Variants in SELENOI observed in about 807,000 individuals in gnomAD.
SELENOI encodes selenoprotein I.
SELENOI carries 24 observed loss-of-function variants against 50.7 expected under a neutral mutation model. That is an observed-to-expected ratio of 0.47 (90% CI 0.34 to 0.67). The LOEUF is 0.67. Among genes scored for constraint, SELENOI ranks in the 30% least tolerant of loss-of-function variants. The probability of loss-of-function intolerance (pLI) is 0.01; values close to 1 mark genes in which losing one functional copy is unlikely to be tolerated. For missense variants in SELENOI, 352 were observed against 461.4 expected (o/e 0.76, Z 2.17); for synonymous variants, 155 against 170.2 (o/e 0.91, Z 0.70).
At chr2:26,346,539 G>C (rs1303394172) in intron 1 of SELENOI, 1 of 415,204 alleles carries the variant, frequency 2.4e-6, no homozygotes, top group Admixed American at 4.4e-5. Context: ...AGTGATCATG[G>C]AGCGAGGGAA....
At position 26,370,065 on chromosome 2, in the gene SELENOI, T is replaced by C. The variant is rs559509587; in HGVS notation, c.310+2845T>C. Among the ~76,000 whole-genome samples the C allele has an allele frequency of 2.6e-5, 4 of 151,028 alleles. No individual in the cohort carries two copies. The East Asian group carries it at 5.8e-4, about 22-fold the overall frequency. ...ATTAGGGAGTGGTGATGACTCTTAA[T>C]GAGCATGCTGCCTTCAAGCATCTGT... On this transcript the variant is annotated intron_variant, in intron 4 of 9. Coordinates refer to ENST00000260585, the MANE Select transcript of SELENOI (RefSeq NM_033505.4).
At chr2:26,346,362 C>T in intron 1 of SELENOI, 73 bp downstream of exon 1, 1 of 1,495,226 alleles carries the variant, frequency 6.7e-7, no homozygotes, top group Non-Finnish European at 8.9e-7. Flanking sequence ...CCGCGCGGCG[C>T]GGTCCGTGTC....
intron 4 of SELENOI, among the ~76,000 whole-genome samples, chr2:26,371,153 G>A (rs865789110): frequency 5.7e-4 from 86 of 150,662 alleles, no homozygotes; most frequent in African/African-American, 1.9e-3. Context: ...CTGGCGGGGG[G>A]CTGACCCCTC....
chr2:26,371,286 C>T, intron 4 of SELENOI, among the ~76,000 whole-genome samples: 1 of 151,962 alleles, frequency 6.6e-6, no homozygotes, highest in East Asian at 2.0e-4. Context: ...AGACGCTCCT[C>T]ACCTCCCAGA....
At position 26,390,513 on chromosome 2, in the gene SELENOI, G is replaced by T. The variant is rs1004208090; in HGVS notation, c.*1410G>T. ...GACCATTGTTAAATTTAATTATAGT[G>T]TATTTCTTTCTTGAATTTCAGTCTG... On this transcript the variant is annotated 3_prime_UTR_variant, in exon 10 of 10. Coordinates refer to ENST00000260585, the MANE Select transcript of SELENOI (RefSeq NM_033505.4). 4 of 152,500 alleles carry T rather than the reference G, an allele frequency of 2.6e-5. No homozygotes were observed. Among genetic ancestry groups the T allele is most frequent in the African/African-American group, 9.7e-5 (4 of 41,420 alleles). The allele number at this position is 152,500 out of a possible 1,614,324, so 9.4% of individuals were successfully genotyped here. A position where few individuals can be genotyped will look rare whatever the true frequency, so the allele number is the denominator to read the frequency against.
chr2:26,356,741 C>T (rs577222233), intron 1 of SELENOI, among the ~76,000 whole-genome samples: 1 of 152,212 alleles, frequency 6.6e-6, no homozygotes, highest in East Asian at 1.9e-4. Flanking sequence ...TCTTAAGGAC[C>T]ATTTTTTGTT....
chr2:26,384,531 C>CT (rs912790504), intron 7 of SELENOI, among the ~76,000 whole-genome samples: 5 of 152,162 alleles, frequency 3.3e-5, no homozygotes, highest in Non-Finnish European at 5.9e-5. Flanking sequence ...TGTGAGCTGT[C>CT]TTACTCTAAG....
chr2:26,371,106 T>C, intron 4 of SELENOI, among the ~76,000 whole-genome samples: 1 of 136,560 alleles, frequency 7.3e-6, no homozygotes, highest in African/African-American at 2.8e-5. Context: ...GGCCAGGGGC[T>C]GACCCCCCCA....
intron 1 of SELENOI, among the ~76,000 whole-genome samples, chr2:26,359,460 T>C (rs1372180686): frequency 2.0e-5 from 3 of 152,048 alleles, no homozygotes; most frequent in African/African-American, 7.2e-5. Context: ...CTGACCAACA[T>C]GGTGAAACCG....
chr2:26,353,622 T>C (rs1016856403), intron 1 of SELENOI, among the ~76,000 whole-genome samples: 2 of 152,218 alleles, frequency 1.3e-5, no homozygotes, highest in Non-Finnish European at 1.5e-5. Context: ...AAATGTATTC[T>C]AGTTGTCTTA....
chr2:26,365,191 G>T (rs1483299709), intron 3 of SELENOI, among the ~76,000 whole-genome samples: 2 of 152,158 alleles, frequency 1.3e-5, no homozygotes, highest in Non-Finnish European at 2.9e-5. Context: ...TACAAACAGG[G>T]CTCAGTTTAC....
At position 26,391,247 on chromosome 2, in the gene SELENOI, T is replaced by G. The variant is rs1222554510; in HGVS notation, c.*2144T>G. The G allele has an allele frequency of 6.6e-6, 1 of 152,214 alleles. No homozygotes were observed. Among genetic ancestry groups the G allele is most frequent in the Non-Finnish European group, 1.5e-5 (1 of 68,052 alleles). The allele number at this position is 152,214 out of a possible 1,614,324, so 9.4% of individuals were successfully genotyped here. Reference sequence around the variant, plus strand: ...AGTCAGTTTTATTGACATTGTTAGATGAAAGAAAAGTAGCTGTCAACAAGG... The same window carrying G: ...AGTCAGTTTTATTGACATTGTTAGAGGAAAGAAAAGTAGCTGTCAACAAGG... On this transcript the variant is annotated 3_prime_UTR_variant, in exon 10 of 10. Transcript: ENST00000260585.
chr2:26,388,409 A>G (rs1000786102), intron 9 of SELENOI, among the ~76,000 whole-genome samples: 1 of 152,182 alleles, frequency 6.6e-6, no homozygotes, highest in Non-Finnish European at 1.5e-5. Context: ...CATCTTTTTT[A>G]TCTGTCTTTG....
chr2:26,364,382 A>G lies in SELENOI; in HGVS notation c.126+12A>G. 1 of 1,499,304 alleles carries G rather than the reference A, an allele frequency of 6.7e-7. No individual in the cohort carries two copies. The highest frequency in any genetic ancestry group is 9.1e-7 in the Non-Finnish European group (1 of 1,098,888). The allele number at this position is 1,499,304 out of a possible 1,614,324, so 92.9% of individuals were successfully genotyped here. On this transcript the variant is annotated intron_variant, in intron 2 of 9. Coordinates refer to ENST00000260585, the MANE Select transcript of SELENOI (RefSeq NM_033505.4). Reference sequence around the variant, plus strand: ...ACACTATAGTAAAGGTAAGATAATTAATATGTATGTACTTTTTGTTTTAGT... The same window carrying G: ...ACACTATAGTAAAGGTAAGATAATTGATATGTATGTACTTTTTGTTTTAGT...
intron 1 of SELENOI, among the ~76,000 whole-genome samples, chr2:26,362,135 G>A (rs546303341): frequency 1.3e-5 from 2 of 151,874 alleles, no homozygotes; most frequent in East Asian, 2.0e-4. Context: ...TTGCTCTGTC[G>A]CCCAGGCTGG....
intron 6 of SELENOI, among the ~76,000 whole-genome samples, chr2:26,376,091 C>CAAA (rs57146815): frequency 1.2e-4 from 10 of 81,232 alleles, no homozygotes; most frequent in Admixed American, 1.0e-3. Context: ...GACCCTGTCT[C>CAAA]AAAAAAAAAA....
intron 1 of SELENOI, among the ~76,000 whole-genome samples, chr2:26,351,742 G>A (rs1172980784): frequency 1.3e-5 from 2 of 152,186 alleles, no homozygotes; most frequent in Non-Finnish European, 2.9e-5. Context: ...ATCACTGTGT[G>A]GTTCAAGGAC....
chr2:26,373,157 G>A (rs966860780), intron 4 of SELENOI, among the ~76,000 whole-genome samples: 3 of 152,276 alleles, frequency 2.0e-5, no homozygotes, highest in African/African-American at 7.2e-5. Context: ...CCAAAGTGTG[G>A]GGATTACAGG....
chr2:26,352,867 A>G (rs1676991119), intron 1 of SELENOI, among the ~76,000 whole-genome samples: 1 of 150,370 alleles, frequency 6.7e-6, no homozygotes, highest in Non-Finnish European at 1.5e-5. Flanking sequence ...AAACCAGAAT[A>G]TTGGACTATA....
Sources: gnomAD v4.1 joint callset for allele counts (sites outside exome capture counted in the v4.1 genomes callset) on GRCh38, gnomAD v4.1.1 for gene constraint, MANE v1.5 for transcripts, NCBI Gene and HGNC (gene_info 2026-07-23, HGNC 2026-07-21) for gene names.